The following RNF213 variants were observed in gnomAD, a reference collection of about 807,000 sequenced individuals.
RNF213 encodes the protein ring finger protein 213.
In RNF213, 341 loss-of-function variants were observed where a neutral mutation model predicts 514.4. That is an observed-to-expected ratio of 0.66 (90% CI 0.61 to 0.73). The LOEUF (loss-of-function observed/expected upper bound fraction) is 0.73, where lower values mean the gene tolerates loss of function less well. Among genes scored for constraint, RNF213 ranks in the 30% least tolerant of loss-of-function variants. The pLI, the probability that RNF213 is intolerant of heterozygous loss-of-function variation, is 0.00. For missense variants in RNF213, 5,767 were observed against 6,615.6 expected, an observed-to-expected ratio of 0.87 and a Z score of 4.45; for synonymous variants, 2,655 against 2,658.2, an observed-to-expected ratio of 1.00 and a Z score of 0.04.
intron 11 of RNF213, among the ~76,000 whole-genome samples, chr17:80,301,356 A>G (rs72849848): frequency 0.092 from 14,078 of 152,248 alleles, 726 homozygotes; most frequent in Non-Finnish European, 0.096. Context: ...TGTGCAGCAA[A>G]GGAAACTATC....
At chr17:80,379,492 C>T in intron 54 of RNF213, 128 bp from the exon 55 acceptor site, 1 of 910,420 alleles carries the variant, frequency 1.1e-6, no homozygotes, top group Non-Finnish European at 1.8e-6. Context: ...CCGAAACAAG[C>T]ACACACTGGG....
rs796115453 is a variant in RNF213 at position 80,357,743 on chromosome 17, G to A, written c.10863-545G>A. 2.0e-4 allele frequency among the ~76,000 whole-genome samples: 31 copies of A among 152,310 alleles called. 1 individual carries two copies. Among genetic ancestry groups the A allele is most frequent in the African/African-American group, 4.8e-4 (20 of 41,572 alleles). ...TCCCAATACTTTGGGAGGCCAAGGC[G>A]GGAGGATTACTTGTGCCCAGGAGTT... On this transcript the variant is annotated intron_variant, in intron 36 of 67. Transcript: ENST00000582970.
Position 80,363,780 on chromosome 17 carries a change from AG to A in RNF213, c.11743del (p.Glu3915LysfsTer21). ...GSGSLAQAVIREVRAQWSRIF... is the reference protein window; with the variant it reads ...GSGSLAQAVIXEVRAQWSRIF... ...CGGGAGCCTGGCCCAGGCTGTCATC[AG>A]GGAAGTCAGGTGAGACCCAGGAGCC... On this transcript the variant is annotated frameshift_variant, in exon 41 of 68. Transcript: ENST00000582970. LOFTEE classifies it high-confidence loss of function. 2.5e-6 allele frequency: 4 copies of A among 1,613,182 alleles called. No homozygotes were observed. The highest frequency in any genetic ancestry group is 3.4e-6 in the Non-Finnish European group (4 of 1,179,970).
rs141663890 is a variant in RNF213, at chr17:80,360,656, G to A, written c.11200+450G>A. Among the ~76,000 whole-genome samples the A allele has an allele frequency of 2.3e-3, 356 of 152,282 alleles. 2 individuals carry two copies. The highest frequency in any genetic ancestry group is 7.8e-3 in the African/African-American group (326 of 41,552). On this transcript the variant is annotated intron_variant, in intron 38 of 67. Transcript: ENST00000582970. The stretch of plus-strand genomic sequence containing the variant: ...CCCCTACTCCCAGGTGCCCCATCAG[G>A]AGGCACCTCCCAGCTGTGTCTCCCG...
In RNF213 at chr17:80,394,599, GTTAGAGGCAGTATCC is replaced by G. The variant is rs1211249328; in HGVS notation, c.*1105_*1119del. The G allele has an allele frequency of 6.6e-6, 1 of 152,190 alleles. No individual in the cohort carries two copies. The highest frequency in any genetic ancestry group is 1.5e-5 in the Non-Finnish European group (1 of 68,044). The allele number at this position is 152,190 out of a possible 1,614,324, so 9.4% of individuals were successfully genotyped here. ...GACAGCTCAGCACAGCTATTGATAT[GTTAGAGGCAGTATCC>G]TTAATATTCATTCTAAATGAGTTAA... On this transcript the variant is annotated 3_prime_UTR_variant, in exon 68 of 68. Transcript: ENST00000582970.
intron 19 of RNF213, 48 bp from the exon 20 acceptor site, chr17:80,328,280 G>C: frequency 4.0e-6 from 6 of 1,504,946 alleles, no homozygotes; most frequent in Non-Finnish European, 5.3e-6. Context: ...ATGGAAAATG[G>C]CATTTGTTGC....
At chr17:80,301,865 A>G (rs1302543045) in intron 11 of RNF213, among the ~76,000 whole-genome samples, 2 of 152,208 alleles carry the variant, frequency 1.3e-5, no homozygotes, top group Non-Finnish European at 2.9e-5. Context: ...CAATAGCCAT[A>G]ATATGGAATC....
At chr17:80,334,465 G>A (rs2077926037) in intron 22 of RNF213, 195 bp downstream of exon 22, 1 of 528,274 alleles carries the variant, frequency 1.9e-6, no homozygotes, top group East Asian at 3.2e-5. Context: ...TTTCCCATGT[G>A]CTGCTGTAAA....
In RNF213 at chr17:80,386,643, C is replaced by A. The variant is rs369303636; in HGVS notation, c.14721-47C>A. 4 of 1,592,222 alleles carry A rather than the reference C, an allele frequency of 2.5e-6. No homozygotes were observed. In the African/African-American group the frequency reaches 4.0e-5, roughly 16 times the overall value. ...GCTCCCTGCAACATAGAGCCCTAGG[C>A]CCGCATGCCTGGCCTGGACGCTGAG... On this transcript the variant is annotated intron_variant, in intron 62 of 67. Transcript: ENST00000582970.
chr17:80,297,156 A>T (rs2044982812), intron 10 of RNF213, among the ~76,000 whole-genome samples: 1 of 151,618 alleles, frequency 6.6e-6, no homozygotes, highest in Admixed American at 6.6e-5. Flanking sequence ...CTTACGTTTA[A>T]AAAGTTGTTT....
chr17:80,333,088 G>T (rs534354213), intron 21 of RNF213, among the ~76,000 whole-genome samples: 138 of 150,794 alleles, frequency 9.2e-4, no homozygotes, highest in Middle Eastern at 3.4e-3. Flanking sequence ...TCGCTCTGTC[G>T]TCCAGGCTGG....
rs760699466 is a variant in RNF213 at position 80,395,982 on chromosome 17, C to T, written c.*2484C>T. Reference sequence around the variant, plus strand: ...CCCCTCCCAACCCTTTATTCATCCTCACTCCCACTCATACCCGCCTCCCTG... The same window carrying T: ...CCCCTCCCAACCCTTTATTCATCCTTACTCCCACTCATACCCGCCTCCCTG... On this transcript the variant is annotated 3_prime_UTR_variant, in exon 68 of 68. Coordinates refer to ENST00000582970, the MANE Select transcript of RNF213 (RefSeq NM_001256071.3). 6.6e-6 allele frequency: 1 copy of T among 152,324 alleles called. No homozygotes were observed. The highest frequency in any genetic ancestry group is 1.5e-5 in the Non-Finnish European group (1 of 68,082). The allele number at this position is 152,324 out of a possible 1,614,324, so 9.4% of individuals were successfully genotyped here. A position where few individuals can be genotyped will look rare whatever the true frequency, so the allele number is the denominator to read the frequency against.
chr17:80,365,818 T>G (rs34907722), intron 42 of RNF213, among the ~76,000 whole-genome samples: 38,680 of 152,092 alleles, frequency 0.25, 5,514 homozygotes, highest in African/African-American at 0.39. Context: ...TGCACAGGGC[T>G]TTCAGCCAGG....
chr17:80,326,326 G>T (rs6565676), intron 18 of RNF213, among the ~76,000 whole-genome samples: 96,543 of 152,028 alleles, frequency 0.64, 31,445 homozygotes, highest in Middle Eastern at 0.69. Flanking sequence ...AGAGCACTTT[G>T]ATGTGTACAG....
chr17:80,367,623 T>TCGCACCC, intron 42 of RNF213, 125 bp from the exon 43 acceptor site: 2 of 725,680 alleles, frequency 2.8e-6, no homozygotes, highest in Non-Finnish European at 4.9e-6. Context: ...CACAAAGGCC[T>TCGCACCC]CGCACCCCAC....
chr17:80,389,430 A>AGGGATAGGAGCATTCAGGGAGTGC, intron 65 of RNF213, 63 bp downstream of exon 65: 2 of 1,455,430 alleles, frequency 1.4e-6, no homozygotes, highest in Non-Finnish European at 1.9e-6. Flanking sequence ...GCTTCCCGCG[A>AGGGATAGGAGCATTCAGGGAGTGC]GGGATAGGAG....
rs35224052 is a variant in RNF213 at position 80,263,471 on chromosome 17, A to AGG, written c.-108-99_-108-98dup. 1.7e-6 allele frequency: 1 copy of AGG among 586,482 alleles called. No homozygotes were observed. The highest frequency in any genetic ancestry group is 3.1e-6 in the Non-Finnish European group (1 of 321,990). The allele number at this position is 586,482 out of a possible 1,614,324, so 36.3% of individuals were successfully genotyped here. ...AGAGACTGCAAAAGCTTGAGAGCCA[A>AGG]GGGGGCAGCACAGAGCGGGGAGGGG... is the stretch of plus-strand genomic sequence containing the variant. On this transcript the variant is annotated intron_variant, in intron 1 of 67. Transcript: ENST00000582970. This position sits in a 1 kb window ranked among gnomAD's most constrained non-coding sequence, Gnocchi z 4.9.
chr17:80,262,114 G>T (rs962333968), intron 1 of RNF213, among the ~76,000 whole-genome samples: 5 of 152,134 alleles, frequency 3.3e-5, no homozygotes, highest in African/African-American at 1.2e-4. Flanking sequence ...AGGCCTGGGC[G>T]GTGGGGAGTC....
At chr17:80,298,040 C>T (rs1247138776) in intron 10 of RNF213, among the ~76,000 whole-genome samples, 1 of 152,170 alleles carries the variant, frequency 6.6e-6, no homozygotes, top group Non-Finnish European at 1.5e-5. Context: ...TCAGTCAGGA[C>T]CCTGCGTTGA....
Sources: gnomAD v4.1 joint callset for allele counts (sites outside exome capture counted in the v4.1 genomes callset) on GRCh38, gnomAD v4.1.1 for gene constraint, Gnocchi (gnomAD v3.1) non-coding constraint, MANE v1.5 for transcripts, NCBI Gene and HGNC (gene_info 2026-07-23, HGNC 2026-07-21) for gene names.